Variants in TMEM132D observed in about 807,000 individuals in gnomAD.
TMEM132D encodes mature OL transmembrane protein.
Under a neutral mutation model 62.3 loss-of-function variants are expected in TMEM132D, and 21 were observed. The ratio of observed to expected loss-of-function variants is 0.34; its 90% confidence interval spans 0.24 to 0.49. TMEM132D has a LOEUF of 0.49. TMEM132D is among the 20% of genes least tolerant of loss of function. The pLI is 0.99. For synonymous variants in TMEM132D, 621 were observed against 575.6 expected (o/e 1.08, Z -1.13); for missense variants, 1,346 against 1,402.8 (o/e 0.96, Z 0.65).
At chr12:129,743,514 C>A (rs192916544) in intron 1 of TMEM132D, among the ~76,000 whole-genome samples, 66 of 152,286 alleles carry the variant, frequency 4.3e-4, no homozygotes, top group Non-Finnish European at 8.2e-4. Context: ...GAGGCCTCCC[C>A]AGCCATGCTG....
At chr12:129,877,940 T>C (rs551755384) in intron 1 of TMEM132D, among the ~76,000 whole-genome samples, 109 of 152,368 alleles carry the variant, frequency 7.2e-4, no homozygotes, top group Non-Finnish European at 1.3e-3. Flanking sequence ...CCCTGAGAAC[T>C]GAGACCATCT....
intron 1 of TMEM132D, among the ~76,000 whole-genome samples, chr12:129,723,702 C>T (rs1005412547): frequency 6.6e-6 from 1 of 152,218 alleles, no homozygotes; most frequent in African/African-American, 2.4e-5. Context: ...CTGGATACCT[C>T]ACAGTCCTTC....
At chr12:129,217,653 G>A (rs73163149) in intron 4 of TMEM132D, among the ~76,000 whole-genome samples, 3,234 of 152,258 alleles carry the variant, frequency 0.021, 52 homozygotes, top group Non-Finnish European at 0.032. Context: ...ATTTGAGAAA[G>A]GGGAATTTTG....
chr12:129,508,435 A>T (rs376873505), intron 3 of TMEM132D, among the ~76,000 whole-genome samples: 1 of 152,220 alleles, frequency 6.6e-6, no homozygotes. Context: ...AAAGCAGACA[A>T]TGACTATTAG....
intron 4 of TMEM132D, among the ~76,000 whole-genome samples, chr12:129,291,337 G>T (rs375201932): frequency 6.6e-6 from 1 of 152,094 alleles, no homozygotes; most frequent in Non-Finnish European, 1.5e-5. Flanking sequence ...AGTAATTATG[G>T]TGCAACTTCA....
intron 3 of TMEM132D, among the ~76,000 whole-genome samples, chr12:129,490,614 T>G (rs1385016015): frequency 7.6e-6 from 1 of 131,446 alleles, no homozygotes; most frequent in East Asian, 2.3e-4. Context: ...TTTTTTTTTT[T>G]TTTTTTTTTT....
chr12:129,688,164 G>T (rs532703790), intron 2 of TMEM132D, among the ~76,000 whole-genome samples: 3 of 152,302 alleles, frequency 2.0e-5, no homozygotes, highest in African/African-American at 7.2e-5. Context: ...AAGAGGCTGT[G>T]CATATGGTTA....
At chr12:129,121,789 A>G (rs1158325175) in intron 5 of TMEM132D, among the ~76,000 whole-genome samples, 2 of 152,232 alleles carry the variant, frequency 1.3e-5, no homozygotes, top group African/African-American at 4.8e-5. Flanking sequence ...TCCAGGACAC[A>G]TTTATGTTGG....
intron 4 of TMEM132D, among the ~76,000 whole-genome samples, chr12:129,248,558 AT>A (rs140929614): frequency 4.0e-5 from 6 of 151,112 alleles, no homozygotes; most frequent in Non-Finnish European, 5.9e-5. Flanking sequence ...CTCACTTAAA[AT>A]TTTTTTTTAA....
chr12:129,407,252 A>G (rs907459424), intron 3 of TMEM132D, among the ~76,000 whole-genome samples: 1 of 152,234 alleles, frequency 6.6e-6, no homozygotes, highest in Non-Finnish European at 1.5e-5. Flanking sequence ...TCGAATTAAT[A>G]TAATGAATAC....
At chr12:129,901,776 AT>A (rs1325506879) in intron 1 of TMEM132D, among the ~76,000 whole-genome samples, 1 of 152,072 alleles carries the variant, frequency 6.6e-6, no homozygotes, top group East Asian at 1.9e-4. Context: ...TTCCAAAGCT[AT>A]TCTGTACCTT....
chr12:129,104,928 G>C lies in TMEM132D; in HGVS notation c.1444-20226C>G, dbSNP rs111430755. Among the ~76,000 whole-genome samples the C allele has an allele frequency of 5.5e-3, 803 of 147,030 alleles. 10 individuals carry two copies. The highest frequency in any genetic ancestry group is 0.019 in the African/African-American group (709 of 37,532). On this transcript the variant is annotated intron_variant, in intron 5 of 8. Transcript: ENST00000422113. ...AAGAGGATGTGGAGAAATAGGAACAGTTTTACACTGTTGGTGGGACTGTAA... is the reference window on the plus strand; with the variant it reads ...AAGAGGATGTGGAGAAATAGGAACACTTTTACACTGTTGGTGGGACTGTAA...
intron 3 of TMEM132D, among the ~76,000 whole-genome samples, chr12:129,526,096 C>T (rs184495405): frequency 2.6e-4 from 40 of 152,236 alleles, no homozygotes; most frequent in Non-Finnish European, 4.4e-4. Flanking sequence ...GTTCTGGTAG[C>T]GTGCTAATGT....
In TMEM132D at chr12:129,772,109, T is replaced by TA. The variant is rs199847179; in HGVS notation, c.80-71412dup. On this transcript the variant is annotated intron_variant, in intron 1 of 8. Transcript: ENST00000422113. ...GATCACACAGTGGAAGAAGCCTTTTTAAAAAAAAAAATTAATGTATTGTAA... is the reference window on the plus strand; with the variant it reads ...GATCACACAGTGGAAGAAGCCTTTTTAAAAAAAAAAAATTAATGTATTGTAA... Among the ~76,000 whole-genome samples the TA allele has an allele frequency of 5.0e-3, 742 of 149,722 alleles. 4 individuals are homozygous for TA. Among genetic ancestry groups the TA allele is most frequent in the African/African-American group, 0.016 (647 of 40,938 alleles).
intron 3 of TMEM132D, among the ~76,000 whole-genome samples, chr12:129,362,535 A>G (rs1301691395): frequency 1.3e-5 from 2 of 152,084 alleles, no homozygotes; most frequent in African/African-American, 4.8e-5. Context: ...ATTTAAAAAA[A>G]AAACATATTC....
Position 129,779,659 on chromosome 12 carries a change from G to A in TMEM132D, c.80-78961C>T, listed in dbSNP as rs1467790444. On this transcript the variant is annotated intron_variant, in intron 1 of 8. Coordinates refer to ENST00000422113, the MANE Select transcript of TMEM132D (RefSeq NM_133448.3). The surrounding 1 kb of genome is among the most constrained non-coding windows in gnomAD (Gnocchi z 4.1). ...AAAGGAAGAAGAGCAGGTATTGGAAGAGACCATCAGAAGGCCCCTCCACAG... is the reference window on the plus strand; with the variant it reads ...AAAGGAAGAAGAGCAGGTATTGGAAAAGACCATCAGAAGGCCCCTCCACAG... Among the ~76,000 whole-genome samples, 1 of 152,052 alleles carries A rather than the reference G, an allele frequency of 6.6e-6. No homozygotes were observed. Among genetic ancestry groups the A allele is most frequent in the Non-Finnish European group, 1.5e-5 (1 of 68,024 alleles).
chr12:129,227,155 G>A (rs530973034), intron 4 of TMEM132D, among the ~76,000 whole-genome samples: 75 of 151,836 alleles, frequency 4.9e-4, no homozygotes, highest in African/African-American at 1.7e-3. Context: ...TAAACCCATC[G>A]ACCACACGTA....
At chr12:129,776,869 G>T (rs1480229765) in intron 1 of TMEM132D, among the ~76,000 whole-genome samples, 2 of 150,152 alleles carry the variant, frequency 1.3e-5, no homozygotes, top group South Asian at 2.1e-4. Context: ...CACAAAATCT[G>T]TTCCTTCTTT....
chr12:129,106,718 G>T (rs1390509664), intron 5 of TMEM132D, among the ~76,000 whole-genome samples: 1 of 152,136 alleles, frequency 6.6e-6, no homozygotes, highest in Non-Finnish European at 1.5e-5. Context: ...TGGTCGTGTG[G>T]CGTGCTCTGG....
Sources: allele counts gnomAD v4.1 joint callset (sites outside exome capture counted in the v4.1 genomes callset), GRCh38; gene constraint gnomAD v4.1.1; non-coding constraint Gnocchi (gnomAD v3.1); transcripts MANE v1.5; gene names NCBI Gene and HGNC (gene_info 2026-07-23, HGNC 2026-07-21).